LIN54: variants seen among roughly 807,000 people sequenced by gnomAD.
LIN54 encodes protein lin-54 homolog.
LIN54 carries 9 observed loss-of-function variants against 78.7 expected under a neutral mutation model. That is an observed-to-expected ratio of 0.11 (90% CI 0.07 to 0.20). LIN54 has a LOEUF of 0.20. LIN54 is among the 10% of genes least tolerant of loss of function. The pLI, the probability that LIN54 is intolerant of heterozygous loss-of-function variation, is 1.00. For synonymous variants in LIN54, 269 were observed against 318.4 expected (o/e 0.84, Z 1.65); for missense variants, 573 against 889.9 (o/e 0.64, Z 4.53).
chr4:82,961,239 A>G (rs1010455294), intron 4 of LIN54, among the ~76,000 whole-genome samples: 1 of 152,226 alleles, frequency 6.6e-6, no homozygotes, highest in African/African-American at 2.4e-5. Context: ...ATGGATAGAC[A>G]TATATGATAA....
chr4:82,974,528 GGA>G (rs1725983512), intron 3 of LIN54, among the ~76,000 whole-genome samples: 1 of 152,078 alleles, frequency 6.6e-6, no homozygotes, highest in African/African-American at 2.4e-5. Flanking sequence ...CCTGAGGTCA[GGA>G]GTCCGAGACC....
At chr4:82,958,573 T>G (rs1484787651) in intron 4 of LIN54, among the ~76,000 whole-genome samples, 1 of 152,210 alleles carries the variant, frequency 6.6e-6, no homozygotes, top group Non-Finnish European at 1.5e-5. Flanking sequence ...TATTTGCATT[T>G]AAAAATAAAA....
rs1022996202 is a variant in LIN54 at position 82,997,740 on chromosome 4, C to A, written c.-33+12744G>T. On this transcript the variant is annotated intron_variant, in intron 1 of 12. Coordinates refer to ENST00000340417, the MANE Select transcript of LIN54 (RefSeq NM_194282.4). ...AATACAAAATAAAAAATAATGTAAT[C>A]CCAGCACTTTGGGAGGCCAAGGAGG... is the stretch of plus-strand genomic sequence containing the variant. 8.6e-5 allele frequency among the ~76,000 whole-genome samples: 13 copies of A among 151,920 alleles called. No homozygotes were observed. In the Middle Eastern group the frequency reaches 0.01, roughly 119 times the overall value.
At chr4:82,993,365 C>T (rs1192020562) in intron 1 of LIN54, among the ~76,000 whole-genome samples, 5 of 146,636 alleles carry the variant, frequency 3.4e-5, no homozygotes, top group East Asian at 2.2e-4. Context: ...TATAGGCATG[C>T]GCCACCACCC....
At chr4:83,004,398 C>CAAAAAA (rs34722830) in intron 1 of LIN54, among the ~76,000 whole-genome samples, 4 of 100,922 alleles carry the variant, frequency 4.0e-5, no homozygotes, top group Admixed American at 2.3e-4. Flanking sequence ...GACTCCGTTG[C>CAAAAAA]AAAAAAAAAA....
rs749880882 is a variant in LIN54, at chr4:82,995,489, CTTTTTT to C, written c.-32-10619_-32-10614del. ...GTCTTATGATTACACATCCTTATCT[CTTTTTT>C]TTTTTTTTTTTTTTTTTTGGGATGG... On this transcript the variant is annotated intron_variant, in intron 1 of 12. Transcript: ENST00000340417. 4.2e-4 allele frequency among the ~76,000 whole-genome samples: 32 copies of C among 76,344 alleles called. No homozygotes were observed. The East Asian group carries it at 9.7e-3, about 23-fold the overall frequency. 50.1% of individuals were successfully genotyped at this position (76,344 alleles called of 152,430 possible).
At chr4:82,939,779 T>TA in intron 6 of LIN54, 43 bp from the exon 7 acceptor site, 1 of 1,607,158 alleles carries the variant, frequency 6.2e-7, no homozygotes. Flanking sequence ...AAATAAATTT[T>TA]ACAGCTGTTC....
intron 4 of LIN54, among the ~76,000 whole-genome samples, chr4:82,955,067 A>C (rs949693003): frequency 6.6e-6 from 1 of 152,194 alleles, no homozygotes; most frequent in African/African-American, 2.4e-5. Flanking sequence ...TTTTTTAAAA[A>C]TACACTGTTA....
chr4:82,939,998 T>G (rs1468632117), intron 5 of LIN54, 36 bp from the exon 6 acceptor site: 1 of 1,431,178 alleles, frequency 7.0e-7, no homozygotes, highest in Non-Finnish European at 9.7e-7. Flanking sequence ...AACAAGTTAT[T>G]TACAGAAAAT....
At chr4:83,011,811 T>TAAAA (rs70943185), upstream of LIN54, among the ~76,000 whole-genome samples, 22,748 of 134,910 alleles carry the variant, frequency 0.17, 1,984 homozygotes, top group South Asian at 0.29. Flanking sequence ...AGATCAGCAT[T>TAAAA]AAAAAAAAAA....
Position 82,984,773 on chromosome 4 carries a change from C to A in LIN54, c.72G>T (p.Val24=). The A allele has an allele frequency of 1.9e-6, 3 of 1,613,958 alleles. No homozygotes were observed. The highest frequency in any genetic ancestry group is 2.5e-6 in the Non-Finnish European group (3 of 1,179,908). ...TAACAGCCTCAATACTATCATCATC[C>A]ACTAAAGTTATACCAGTGTCCATTA... is the stretch of plus-strand genomic sequence containing the variant. ...EEIMDTGITL[V]DDDSIEAVIV... is the part of the protein sequence containing the mutation. Residue 24 remains valine (V), a synonymous_variant, in exon 2 of 13, where the codon GTG becomes GTT. Coordinates refer to ENST00000340417, the MANE Select transcript of LIN54 (RefSeq NM_194282.4).
chr4:82,986,176 C>T (rs368666642), intron 1 of LIN54, among the ~76,000 whole-genome samples: 3 of 151,968 alleles, frequency 2.0e-5, no homozygotes, highest in South Asian at 2.1e-4. Flanking sequence ...AGTGCAGTGG[C>T]GCAATCTCGG....
intron 4 of LIN54, among the ~76,000 whole-genome samples, chr4:82,959,176 C>T (rs1232835041): frequency 6.6e-6 from 1 of 151,942 alleles, no homozygotes; most frequent in Admixed American, 6.6e-5. Context: ...AAAAAAAGGA[C>T]GTAAATTGAA....
intron 1 of LIN54, among the ~76,000 whole-genome samples, chr4:82,993,178 C>G (rs1011148806): frequency 5.3e-5 from 8 of 150,692 alleles, no homozygotes; most frequent in Non-Finnish European, 1.0e-4. Flanking sequence ...TTATCTTTAC[C>G]TCTTTGCTTC....
chr4:82,939,280 A>G (rs771532150), intron 7 of LIN54, among the ~76,000 whole-genome samples: 2 of 152,246 alleles, frequency 1.3e-5, no homozygotes, highest in Non-Finnish European at 2.9e-5. Flanking sequence ...TTTCTATCAT[A>G]TCGCCACAGG....
chr4:82,987,157 G>T lies in LIN54; in HGVS notation c.-32-2281C>A, dbSNP rs549366317. Among the ~76,000 whole-genome samples the T allele has an allele frequency of 1.7e-3, 264 of 152,294 alleles. 2 individuals are homozygous for T. Among genetic ancestry groups the T allele is most frequent in the Non-Finnish European group, 1.0e-3 (69 of 68,024 alleles). ...AATACAAAAATTAGCTAGGCGTGGT[G>T]GTGGGTGCTTGTAATTCCAGCTACT... On this transcript the variant is annotated intron_variant, in intron 1 of 12. Transcript: ENST00000340417.
intron 4 of LIN54, among the ~76,000 whole-genome samples, chr4:82,950,597 T>C (rs1041876568): frequency 1.3e-5 from 2 of 152,230 alleles, no homozygotes; most frequent in Non-Finnish European, 1.5e-5. Flanking sequence ...GTTATCTCTA[T>C]TTCCTGAATA....
Position 82,947,235 on chromosome 4 carries a change from A to ATATATATT in LIN54, c.952-762_952-761insAATATATA. On this transcript the variant is annotated intron_variant, in intron 4 of 12. Coordinates refer to ENST00000340417, the MANE Select transcript of LIN54 (RefSeq NM_194282.4). ...TATATATATATATATATATATATAT[A>ATATATATT]TTTTTTTTTTTTTTGAAGACAGGGT... Among the ~76,000 whole-genome samples the ATATATATT allele has an allele frequency of 1.4e-3, 64 of 44,288 alleles. 1 individual carries two copies. The highest frequency in any genetic ancestry group is 7.1e-3 in the East Asian group (7 of 988). 29.1% of individuals were successfully genotyped at this position (44,288 alleles called of 152,430 possible).
intron 5 of LIN54, 66 bp from the exon 6 acceptor site, chr4:82,940,028 A>T: frequency 1.9e-6 from 2 of 1,065,064 alleles, no homozygotes; most frequent in East Asian, 4.8e-5. Context: ...AACACTTAAG[A>T]ATACTTAGCT....
Sources: gnomAD v4.1 joint callset for allele counts (sites outside exome capture counted in the v4.1 genomes callset) on GRCh38, gnomAD v4.1.1 for gene constraint, MANE v1.5 for transcripts, NCBI Gene and HGNC (gene_info 2026-07-23, HGNC 2026-07-21) for gene names.